PRKCB: variants seen among roughly 807,000 people sequenced by gnomAD.
PRKCB encodes protein kinase C beta type.
A neutral mutation model predicts 81.5 loss-of-function variants in PRKCB; 13 were observed. The observed-to-expected ratio is 0.16, with a 90% confidence interval of 0.10 to 0.25. The LOEUF is 0.25. Among genes scored for constraint, PRKCB ranks in the 10% least tolerant of loss-of-function variants. PRKCB has a pLI of 1.00. For synonymous variants in PRKCB, 335 were observed against 321.4 expected (o/e 1.04, Z -0.45); for missense variants, 509 against 875.7 (o/e 0.58, Z 5.29).
chr16:23,991,800 G>A (rs1329181688), intron 3 of PRKCB, among the ~76,000 whole-genome samples: 1 of 152,174 alleles, frequency 6.6e-6, no homozygotes, highest in Non-Finnish European at 1.5e-5. Context: ...TATCTTATCA[G>A]TGCTGCAGTG....
chr16:24,196,901 T>G (rs540576537), intron 16 of PRKCB, among the ~76,000 whole-genome samples: 5 of 152,312 alleles, frequency 3.3e-5, no homozygotes, highest in Middle Eastern at 3.4e-3. Flanking sequence ...AAGTTATTGT[T>G]CAGGGCACAC....
intron 5 of PRKCB, among the ~76,000 whole-genome samples, chr16:24,060,888 C>T (rs1306847235): frequency 2.0e-5 from 3 of 152,112 alleles, no homozygotes; most frequent in East Asian, 3.8e-4. Context: ...CCTGAGAAGC[C>T]GCCTGCATAC....
intron 16 of PRKCB, among the ~76,000 whole-genome samples, chr16:24,193,593 G>A (rs147047785): frequency 0.017 from 2,546 of 152,216 alleles, 63 homozygotes; most frequent in African/African-American, 0.056. Flanking sequence ...AGGATTACAG[G>A]TGTGAGCCAC....
chr16:23,865,519 G>A (rs13335309), intron 2 of PRKCB, among the ~76,000 whole-genome samples: 530 of 4,316 alleles, frequency 0.12, 2 homozygotes, highest in South Asian at 0.21. Context: ...ATATATATAT[G>A]TGTGTGTGTG....
At chr16:24,180,149 TG>T (rs1199256213) in intron 12 of PRKCB, among the ~76,000 whole-genome samples, 2 of 152,156 alleles carry the variant, frequency 1.3e-5, no homozygotes, top group East Asian at 3.8e-4. Flanking sequence ...TTCACCATAT[TG>T]GCCAGGCTGG....
intron 7 of PRKCB, among the ~76,000 whole-genome samples, chr16:24,110,464 G>A (rs1298808895): frequency 6.7e-6 from 1 of 149,128 alleles, no homozygotes; most frequent in East Asian, 1.9e-4. Flanking sequence ...GCCCACCTTG[G>A]TCTACCAAAG....
intron 2 of PRKCB, among the ~76,000 whole-genome samples, chr16:23,938,583 C>T (rs1298200793): frequency 6.6e-6 from 1 of 152,142 alleles, no homozygotes; most frequent in Non-Finnish European, 1.5e-5. Context: ...AGTGCAAAAT[C>T]CTAGCATATA....
intron 10 of PRKCB, among the ~76,000 whole-genome samples, chr16:24,170,268 TA>T (rs757654303): frequency 4.7e-4 from 72 of 152,016 alleles, no homozygotes; most frequent in Non-Finnish European, 9.0e-4. Context: ...CTTGAATAGA[TA>T]GATGAAATAA....
At position 24,094,274 on chromosome 16, in the gene PRKCB, T is replaced by G; in HGVS notation, c.798T>G (p.Leu266=). The change falls in exon 7 of 17, where the codon CTT becomes CTG. Residue 266 remains leucine (L), a synonymous_variant. Transcript: ENST00000643927. The part of the protein sequence containing the change: ...MGSLSFGISE[L]QKASVDGWFK... ...CTTTGTCCTTTGGGATTTCTGAACT[T>G]CAGAAAGCCAGTGTTGATGGCTGGT... is the stretch of plus-strand genomic sequence containing the variant. The G allele has an allele frequency of 5.0e-6, 8 of 1,614,164 alleles. No homozygotes were observed. The highest frequency in any genetic ancestry group is 6.8e-6 in the Non-Finnish European group (8 of 1,180,010).
intron 3 of PRKCB, among the ~76,000 whole-genome samples, chr16:24,004,346 T>C (rs1965085195): frequency 1.3e-5 from 2 of 151,750 alleles, no homozygotes; most frequent in South Asian, 4.2e-4. Context: ...AAATGAAACA[T>C]GGTCTTAATA....
intron 2 of PRKCB, among the ~76,000 whole-genome samples, chr16:23,844,933 C>T (rs1962341404): frequency 6.6e-6 from 1 of 152,030 alleles, no homozygotes. Flanking sequence ...TCCCAAGTAG[C>T]TGCGATTACA....
chr16:24,163,814 T>TA (rs1447829275), intron 10 of PRKCB, among the ~76,000 whole-genome samples: 1 of 152,228 alleles, frequency 6.6e-6, no homozygotes, highest in Admixed American at 6.5e-5. Context: ...AAGCTGTCAT[T>TA]ACCCCCTTTT....
intron 2 of PRKCB, among the ~76,000 whole-genome samples, chr16:23,881,315 C>T (rs191530211): frequency 2.7e-5 from 4 of 148,886 alleles, no homozygotes; most frequent in Admixed American, 6.8e-5. Flanking sequence ...TGCGGTGGCG[C>T]GGTCTTGGTT....
rs1962148394 is a variant in PRKCB at position 23,836,123 on chromosome 16, G to A, written c.-53G>A. On this transcript the variant is annotated 5_prime_UTR_variant, in exon 1 of 17. Coordinates refer to ENST00000643927, the MANE Select transcript of PRKCB (RefSeq NM_002738.7). ...GCGCCTCCCCGGCCCGCAGCCCGCG[G>A]TCCCGCGGCCCCGGGGCCGGCACCT... The A allele has an allele frequency of 8.3e-7, 1 of 1,200,030 alleles. No individual in the cohort carries two copies. The highest frequency in any genetic ancestry group is 1.0e-6 in the Non-Finnish European group (1 of 959,178). 74.3% of individuals were successfully genotyped at this position (1,200,030 alleles called of 1,614,324 possible).
At chr16:24,199,899 C>T (rs1967932528) in intron 16 of PRKCB, among the ~76,000 whole-genome samples, 1 of 152,162 alleles carries the variant, frequency 6.6e-6, no homozygotes, top group African/African-American at 2.4e-5. Context: ...GCACTTGGAG[C>T]CCCTGGTAAG....
At chr16:23,968,003 C>G (rs1225013287) in intron 2 of PRKCB, among the ~76,000 whole-genome samples, 1 of 152,184 alleles carries the variant, frequency 6.6e-6, no homozygotes, top group East Asian at 1.9e-4. Context: ...GTGGTTGCCT[C>G]TCAGTGGGGT....
chr16:23,965,175 C>T (rs1419216414), intron 2 of PRKCB, among the ~76,000 whole-genome samples: 1 of 152,172 alleles, frequency 6.6e-6, no homozygotes, highest in African/African-American at 2.4e-5. Flanking sequence ...GTCTCAGTGT[C>T]TGTTGTTCCC....
At chr16:24,046,882 T>C (rs1965773290) in intron 5 of PRKCB, among the ~76,000 whole-genome samples, 1 of 152,122 alleles carries the variant, frequency 6.6e-6, no homozygotes, top group African/African-American at 2.4e-5. Flanking sequence ...ATTTTGTTTT[T>C]CTCATTTTAC....
At chr16:24,087,298 T>C (rs1184122904) in intron 5 of PRKCB, among the ~76,000 whole-genome samples, 1 of 152,258 alleles carries the variant, frequency 6.6e-6, no homozygotes, top group African/African-American at 2.4e-5. Context: ...TCTTCTTTTT[T>C]CAACGTGCTT....
Sources: allele counts gnomAD v4.1 joint callset (sites outside exome capture counted in the v4.1 genomes callset), GRCh38; gene constraint gnomAD v4.1.1; transcripts MANE v1.5; gene names NCBI Gene and HGNC (gene_info 2026-07-23, HGNC 2026-07-21).